Variants in ALK observed in about 807,000 individuals in gnomAD.
The protein encoded by ALK is ALK receptor tyrosine kinase.
In ALK, 74 loss-of-function variants were observed where a neutral mutation model predicts 163.1. That is an observed-to-expected ratio of 0.45 (90% confidence interval 0.38 to 0.55). ALK has a LOEUF of 0.55. Ranked by LOEUF, ALK falls within the 20% of genes least tolerant of loss-of-function variation. The probability of loss-of-function intolerance (pLI) is 0.00; values close to 1 mark genes in which losing one functional copy is unlikely to be tolerated. For missense variants in ALK, 2,063 were observed against 2,105.3 expected, an observed-to-expected ratio of 0.98 and a Z score of 0.39; for synonymous variants, 960 against 843.2, an observed-to-expected ratio of 1.14 and a Z score of -2.40.
Position 29,852,832 on chromosome 2 carries a change from T to TGCTC in ALK, c.667+67160_667+67161insGAGC, listed in dbSNP as rs1298090937. Among the ~76,000 whole-genome samples, 249 of 148,584 alleles carry TGCTC rather than the reference T, an allele frequency of 1.7e-3. 2 individuals carry two copies. The highest frequency in any genetic ancestry group is 5.2e-3 in the African/African-American group (205 of 39,694). On this transcript the variant is annotated intron_variant, in intron 1 of 28. Coordinates refer to ENST00000389048, the MANE Select transcript of ALK (RefSeq NM_004304.5). Reference sequence around the variant, plus strand: ...AGAAAGGGATGAAAAGACCAGAGCTTTCTCTCTCTCTCTCTCTCTCTCTCT... The same window carrying TGCTC: ...AGAAAGGGATGAAAAGACCAGAGCTTGCTCTCTCTCTCTCTCTCTCTCTCTCTCT...
At chr2:29,536,346 G>C (rs955320448) in intron 3 of ALK, among the ~76,000 whole-genome samples, 6 of 150,130 alleles carry the variant, frequency 4.0e-5, no homozygotes, top group African/African-American at 1.5e-4. Flanking sequence ...ATTTAAAAGA[G>C]TCTAGGACCT....
chr2:29,564,450 G>A (rs1172930813), intron 3 of ALK, among the ~76,000 whole-genome samples: 1 of 138,270 alleles, frequency 7.2e-6, no homozygotes, highest in African/African-American at 2.7e-5. Flanking sequence ...CACCCCCACC[G>A]CCACCCTTGT....
At chr2:29,661,057 C>T (rs1004925337) in intron 3 of ALK, among the ~76,000 whole-genome samples, 3 of 152,178 alleles carry the variant, frequency 2.0e-5, no homozygotes, top group South Asian at 2.1e-4. Flanking sequence ...AACATAGTTA[C>T]GGAAAGAGAC....
At chr2:29,324,644 C>T (rs1427046307) in intron 6 of ALK, among the ~76,000 whole-genome samples, 1 of 152,274 alleles carries the variant, frequency 6.6e-6, no homozygotes. Flanking sequence ...AATCACTGAC[C>T]CATCTAGGGG....
intron 3 of ALK, among the ~76,000 whole-genome samples, chr2:29,693,159 G>A (rs2256630): frequency 0.81 from 123,902 of 152,056 alleles, 50,591 homozygotes; most frequent in Non-Finnish European, 0.84. Flanking sequence ...GACTGATAAT[G>A]TTCAGATTCT....
At chr2:29,357,197 C>T (rs1473585957) in intron 5 of ALK, among the ~76,000 whole-genome samples, 1 of 152,206 alleles carries the variant, frequency 6.6e-6, no homozygotes, top group African/African-American at 2.4e-5. Context: ...CATTTAAATG[C>T]TGAATGCAAA....
intron 1 of ALK, among the ~76,000 whole-genome samples, chr2:29,911,432 C>G (rs963377601): frequency 6.6e-6 from 1 of 152,288 alleles, no homozygotes; most frequent in East Asian, 1.9e-4. Flanking sequence ...TTTTGTTTCT[C>G]TTTATCATCT....
intron 5 of ALK, among the ~76,000 whole-genome samples, chr2:29,342,670 G>A (rs1308477620): frequency 6.6e-6 from 1 of 152,174 alleles, no homozygotes; most frequent in Non-Finnish European, 1.5e-5. Flanking sequence ...TAGGACAGGG[G>A]GAAGTCAGTG....
intron 1 of ALK, among the ~76,000 whole-genome samples, chr2:29,884,836 A>T (rs905208248): frequency 6.6e-6 from 1 of 152,226 alleles, no homozygotes; most frequent in African/African-American, 2.4e-5. Flanking sequence ...AGGAGAAAGG[A>T]TATCTGCCTG....
chr2:29,499,759 A>G (rs1262938492), intron 4 of ALK, among the ~76,000 whole-genome samples: 2 of 151,616 alleles, frequency 1.3e-5, no homozygotes, highest in African/African-American at 4.9e-5. Flanking sequence ...CTCTGCTGCC[A>G]GCCCATGTCT....
intron 25 of ALK, among the ~76,000 whole-genome samples, chr2:29,208,835 A>C (rs563378324): frequency 1.3e-5 from 2 of 152,320 alleles, no homozygotes; most frequent in South Asian, 2.1e-4. Context: ...GTAAATAATC[A>C]GGGAAAAAAA....
intron 1 of ALK, among the ~76,000 whole-genome samples, chr2:29,765,238 T>C (rs1307468623): frequency 2.6e-5 from 4 of 152,218 alleles, no homozygotes; most frequent in African/African-American, 7.2e-5. Context: ...TGTGAAAGCA[T>C]TGCCCAAGTA....
chr2:29,917,093 G>T (rs1667855509), intron 1 of ALK, among the ~76,000 whole-genome samples: 1 of 152,180 alleles, frequency 6.6e-6, no homozygotes, highest in Non-Finnish European at 1.5e-5. Flanking sequence ...CAATGCAACG[G>T]TTTTGCTTTC....
At chr2:29,823,042 T>G (rs924351256) in intron 1 of ALK, among the ~76,000 whole-genome samples, 1 of 152,226 alleles carries the variant, frequency 6.6e-6, no homozygotes, top group Admixed American at 6.5e-5. Flanking sequence ...AGGGACCCCA[T>G]GGGAGGTAAC....
intron 7 of ALK, among the ~76,000 whole-genome samples, chr2:29,319,894 T>A (rs1032170235): frequency 6.6e-6 from 1 of 152,188 alleles, no homozygotes; most frequent in African/African-American, 2.4e-5. Flanking sequence ...GGGTCTCTAG[T>A]TCCATAGAAA....
At chr2:29,891,288 G>C (rs6715185) in intron 1 of ALK, among the ~76,000 whole-genome samples, 80,501 of 151,970 alleles carry the variant, frequency 0.53, 21,971 homozygotes, top group African/African-American at 0.6. Context: ...GGCATGCACA[G>C]TTTAAGGATG....
At chr2:29,487,451 G>A (rs1671803579) in intron 4 of ALK, among the ~76,000 whole-genome samples, 1 of 152,134 alleles carries the variant, frequency 6.6e-6, no homozygotes. Flanking sequence ...TGGAAAGGTG[G>A]TCCAACTTTG....
Position 29,193,163 on chromosome 2 carries a change from G to T in ALK, c.*61C>A, listed in dbSNP as rs1668913654. 1.3e-6 allele frequency: 2 copies of T among 1,558,696 alleles called. No individual in the cohort carries two copies. The highest frequency in any genetic ancestry group is 2.2e-4 in the Middle Eastern group (1 of 4,596). ...GTCTCTGGTTTGTGAAGGAGCCATT[G>T]CCTCTCTCTCCTCCACGGTCTTAGG... On this transcript the variant is annotated 3_prime_UTR_variant, in exon 29 of 29. Transcript: ENST00000389048.
intron 4 of ALK, among the ~76,000 whole-genome samples, chr2:29,516,088 G>A (rs1179406108): frequency 6.6e-6 from 1 of 152,210 alleles, no homozygotes; most frequent in African/African-American, 2.4e-5. Context: ...GTGAGCTCCT[G>A]CAGGGCAGCA....
Sources: allele counts gnomAD v4.1 joint callset (sites outside exome capture counted in the v4.1 genomes callset), GRCh38; gene constraint gnomAD v4.1.1; transcripts MANE v1.5; gene names NCBI Gene and HGNC (gene_info 2026-07-23, HGNC 2026-07-21).